Variants in SETD1B observed in about 807,000 individuals in gnomAD.
The protein encoded by SETD1B is SET domain containing 1B, histone lysine methyltransferase, also known as histone-lysine N-methyltransferase SETD1B.
In SETD1B, 7 loss-of-function variants were observed where a neutral mutation model predicts 148.0. The observed-to-expected ratio is 0.05, with a 90% CI of 0.03 to 0.09. The LOEUF (loss-of-function observed/expected upper bound fraction) is 0.09. SETD1B is among the 10% of genes least tolerant of loss of function. The probability of loss-of-function intolerance (pLI) is 1.00; values close to 1 mark genes in which losing one functional copy is unlikely to be tolerated. For missense variants in SETD1B, 2,155 were observed against 2,729.9 expected (o/e 0.79, Z 4.69); for synonymous variants, 1,361 against 1,186.5 (o/e 1.15, Z -3.02).
chr12:121,803,954 G>A (rs903250440), upstream of SETD1B: 3 of 158,586 alleles, frequency 1.9e-5, no homozygotes, highest in Non-Finnish European at 1.4e-5. The surrounding 1 kb of genome is among the most constrained non-coding windows in gnomAD (Gnocchi z 4.7). Flanking sequence ...GGAGGAAGAG[G>A]AGGAGGAGGA....
rs1008205679 is a variant in SETD1B, at chr12:121,808,483, C to G, written c.657+163C>G. On this transcript the variant is annotated intron_variant, in intron 5 of 16. Coordinates refer to ENST00000604567, the MANE Select transcript of SETD1B (RefSeq NM_001353345.2). The surrounding 1 kb of genome is among the most constrained non-coding windows in gnomAD (Gnocchi z 5.3). ...GGGTGTGAAGCCTGGCCACGCCCCC[C>G]ACAATTGGGAGCAGGGCCTAGAGCC... Among the ~76,000 whole-genome samples, 2 of 152,224 alleles carry G rather than the reference C, an allele frequency of 1.3e-5. No homozygotes were observed. The highest frequency in any genetic ancestry group is 2.9e-5 in the Non-Finnish European group (2 of 68,034).
Position 121,823,157 on chromosome 12 carries a change from A to G in SETD1B, c.4578A>G (p.Pro1526=). 2 of 1,268,386 alleles carry G rather than the reference A, an allele frequency of 1.6e-6. No homozygotes were observed. The highest frequency in any genetic ancestry group is 2.0e-6 in the Non-Finnish European group (2 of 988,916). 78.6% of individuals were successfully genotyped at this position (1,268,386 alleles called of 1,614,324 possible). Residue 1526 remains proline, a synonymous_variant, in exon 12 of 17, where the codon CCA becomes CCG. Transcript: ENST00000604567. ...AGCCGGGCCGGCCCCGGCGATCCCC[A>G]CCATCTATGCTCTCCTTGGATGGGC... ...KRKPGRPRRS[P]PSMLSLDGPL...
chr12:121,825,312 C>G lies in SETD1B; in HGVS notation c.5283C>G (p.Leu1761=), dbSNP rs1442548720. 1 of 1,551,668 alleles carries G rather than the reference C, an allele frequency of 6.4e-7. No individual in the cohort carries two copies. Among genetic ancestry groups the G allele is most frequent in the South Asian group, 1.2e-5 (1 of 84,066 alleles). ...ACACCATCGACAAGAAGGACAAGCT[C>G]AGATACCTCAACAGCAGCCGTGCCA... ...GFYTIDKKDK[L]RYLNSSRAST... The change falls in exon 13 of 17, where the codon CTC becomes CTG. Residue 1761 remains leucine (L), a synonymous_variant. Coordinates refer to ENST00000604567, the MANE Select transcript of SETD1B (RefSeq NM_001353345.2).
At position 121,804,369 on chromosome 12, in the gene SETD1B, A is replaced by G. The variant is rs1032311281; in HGVS notation, c.-15+136A>G. 5 of 144,600 alleles carry G rather than the reference A, an allele frequency of 3.5e-5. No individual in the cohort carries two copies. Among genetic ancestry groups the G allele is most frequent in the African/African-American group, 7.5e-5 (3 of 40,084 alleles). The allele number at this position is 144,600 out of a possible 1,614,324, so 9.0% of individuals were successfully genotyped here. On this transcript the variant is annotated intron_variant, in intron 1 of 16. Coordinates refer to ENST00000604567, the MANE Select transcript of SETD1B (RefSeq NM_001353345.2). The surrounding 1 kb of genome is among the most constrained non-coding windows in gnomAD (Gnocchi z 4.6). The stretch of plus-strand genomic sequence containing the variant: ...CAGGCCCTGCCGCCAGCCTCGCGCC[A>G]GAGCCGGGCCGAGCTAGCGGGTGAG...
intron 4 of SETD1B, among the ~76,000 whole-genome samples, chr12:121,806,958 C>A (rs1875774465): frequency 6.6e-6 from 1 of 152,166 alleles, no homozygotes; most frequent in Non-Finnish European, 1.5e-5. Context: ...TGAGGGCCAG[C>A]CAGCTTGTGG....
intron 12 of SETD1B, 120 bp from the exon 13 acceptor site, chr12:121,825,080 T>G (rs1592990639): frequency 2.0e-6 from 2 of 998,550 alleles, no homozygotes; most frequent in South Asian, 1.7e-5. Context: ...GGCATGGGAG[T>G]GGGCAGTAGA....
At chr12:121,809,453 C>T in intron 5 of SETD1B, 150 bp from the exon 6 acceptor site, 1 of 860,542 alleles carries the variant, frequency 1.2e-6, no homozygotes, top group Non-Finnish European at 1.7e-6. Context: ...TCCTGACACT[C>T]CTCCTCAATC....
chr12:121,813,380 C>T (rs938695684), intron 6 of SETD1B, among the ~76,000 whole-genome samples: 4 of 152,250 alleles, frequency 2.6e-5, no homozygotes, highest in African/African-American at 9.6e-5. Context: ...TCCAATGTCA[C>T]CTTTCCTGCC....
At position 121,822,493 on chromosome 12, in the gene SETD1B, A is replaced by C. The variant is rs1227397642; in HGVS notation, c.3914A>C (p.His1305Pro). The C allele has an allele frequency of 6.5e-7, 1 of 1,542,336 alleles. No homozygotes were observed. Among genetic ancestry groups the C allele is most frequent in the Non-Finnish European group, 8.8e-7 (1 of 1,140,852 alleles). Residue 1305 changes from histidine to proline, a missense_variant, in exon 12 of 17, where the codon CAT (histidine) becomes CCT (proline). Around this residue, in one of 11 missense-constraint regions of SETD1B, gnomAD observed 862 missense variants for 873.8 expected, o/e 0.99. Transcript: ENST00000604567. ...GTGTTCGCTCACCTCTCTGCAGAAC[A>C]TGACCTGGAAGTGGAGCCGGAGCCC... ...PPLSPERAPEHDLEVEPEPPM... is the reference protein window; with the variant it reads ...PPLSPERAPEPDLEVEPEPPM...
Position 121,819,537 on chromosome 12 carries a change from GGAAGAGGAGGAA to G in SETD1B, c.3564_3575del (p.Glu1191_Glu1194del), listed in dbSNP as rs772897578. On this transcript the variant is annotated inframe_deletion, in exon 11 of 17. Transcript: ENST00000604567. ...AGGATGAGGAGGAGGTAGTGGCCAGGGAAGAGGAGGAAGAAGAGGAGGAGGAGGAGATGGTGG... is the reference window on the plus strand; with the variant it reads ...AGGATGAGGAGGAGGTAGTGGCCAGGGAAGAGGAGGAGGAGGAGATGGTGG... 496 of 1,552,390 alleles carry G rather than the reference GGAAGAGGAGGAA, an allele frequency of 3.2e-4. 1 individual carries two copies. The highest frequency in any genetic ancestry group is 4.2e-4 in the Non-Finnish European group (480 of 1,147,272).
chr12:121,828,165 G>A, intron 16 of SETD1B, 95 bp downstream of exon 16: 2 of 1,476,260 alleles, frequency 1.4e-6, no homozygotes, highest in South Asian at 1.3e-5. Flanking sequence ...ACGGGAATCA[G>A]CTCGGCCTCC....
chr12:121,820,031 G>A, intron 11 of SETD1B, 136 bp downstream of exon 11: 5 of 748,250 alleles, frequency 6.7e-6, no homozygotes, highest in Admixed American at 2.9e-5. Flanking sequence ...AGATCAGCCG[G>A]TTGTGCCTCC....
At chr12:121,796,750 A>AT in the SETD1B span, among the ~76,000 whole-genome samples, 2 of 152,194 alleles carry the variant, frequency 1.3e-5, no homozygotes, top group Non-Finnish European at 2.9e-5. Flanking sequence ...AGCTCAAAAC[A>AT]TTATTGTCCG....
rs1876774445 is a variant in SETD1B, at chr12:121,825,067, G to A, written c.5171-133G>A. On this transcript the variant is annotated intron_variant, in intron 12 of 16. Transcript: ENST00000604567. ...GTTGGTCAGCGGGCAGCCACGTGGA[G>A]GTGGCATGGGAGTGGGCAGTAGAAC... is the stretch of plus-strand genomic sequence containing the variant. The A allele has an allele frequency of 9.1e-6, 8 of 876,502 alleles. 1 individual carries two copies. In the African/African-American group the frequency reaches 1.0e-4, roughly 11 times the overall value. 54.3% of individuals were successfully genotyped at this position (876,502 alleles called of 1,614,324 possible).
At chr12:121,793,342 C>A in the SETD1B span, 117 of 1,432,592 alleles carry the variant, frequency 8.2e-5, no homozygotes, top group Admixed American at 4.0e-5. Context: ...GATCAGCCCC[C>A]CCTCACCCCG....
Position 121,810,694 on chromosome 12 carries a change from C to G in SETD1B, c.1749C>G (p.Asp583Glu), listed in dbSNP as rs558073348. 2.6e-6 allele frequency: 4 copies of G among 1,550,988 alleles called. No homozygotes were observed. The highest frequency in any genetic ancestry group is 3.5e-6 in the Non-Finnish European group (4 of 1,146,934). ...SPTPLPDSDE[D>E]EELDLGLGPR... is the part of the protein sequence containing the mutation. ...CACCCCTCCCAGACTCCGACGAGGACGAGGAGCTCGACCTGGGCCTTGGGC... is the reference window on the plus strand; with the variant it reads ...CACCCCTCCCAGACTCCGACGAGGAGGAGGAGCTCGACCTGGGCCTTGGGC... Residue 583 changes from aspartate to glutamate, a missense_variant, in exon 6 of 17, where the codon GAC (aspartate) becomes GAG (glutamate). Physicochemically the swap from Asp to Glu is conservative, Grantham distance 45. This residue lies in a region of SETD1B where 295 missense variants were observed against 303.8 expected (regional missense o/e 0.97). Transcript: ENST00000604567. The surrounding 1 kb of genome is among the most constrained non-coding windows in gnomAD (Gnocchi z 7.6).
intron 12 of SETD1B, among the ~76,000 whole-genome samples, chr12:121,824,147 C>T (rs1876724614): frequency 6.6e-6 from 1 of 152,208 alleles, no homozygotes; most frequent in South Asian, 2.1e-4. Flanking sequence ...GAAGCTAAGG[C>T]TCAGAGAGGT....
In SETD1B at chr12:121,810,370, G is replaced by A; in HGVS notation, c.1425G>A (p.Glu475=). ...GGRPTFGWSP[E]PCDSPGTPTL... is the part of the protein sequence containing the mutation. ...GGCCCACCTTCGGCTGGAGTCCTGA[G>A]CCCTGTGACAGCCCTGGCACGCCCA... is the stretch of plus-strand genomic sequence containing the variant. The change falls in exon 6 of 17, where the codon GAG becomes GAA. Residue 475 remains glutamate (E), a synonymous_variant. Transcript: ENST00000604567. The surrounding 1 kb of genome is among the most constrained non-coding windows in gnomAD (Gnocchi z 7.6). 1.3e-6 allele frequency: 2 copies of A among 1,547,850 alleles called. No homozygotes were observed. The highest frequency in any genetic ancestry group is 2.4e-5 in the South Asian group (2 of 84,034).
At chr12:121,799,731 T>TGGGGGGGGTGGG (rs1308261766), upstream of SETD1B, 2 of 31,728 alleles carry the variant, frequency 6.3e-5, no homozygotes, top group Non-Finnish European at 1.4e-4. Flanking sequence ...GGGGGGGGGG[T>TGGGGGGGGTGGG]GGGGTGGGGC....
Sources: allele counts gnomAD v4.1 joint callset (sites outside exome capture counted in the v4.1 genomes callset), GRCh38; gene constraint gnomAD v4.1.1; regional missense constraint gnomAD v4.1.1; non-coding constraint Gnocchi (gnomAD v3.1); transcripts MANE v1.5; gene names NCBI Gene and HGNC (gene_info 2026-07-23, HGNC 2026-07-21).